The following DAB1 variants were observed in gnomAD, a reference collection of about 807,000 sequenced individuals.
DAB1 encodes the protein disabled homolog 1.
In DAB1, 15 loss-of-function variants were observed where a neutral mutation model predicts 64.6. The ratio of observed to expected loss-of-function variants is 0.23; its 90% CI spans 0.16 to 0.36. DAB1 has a LOEUF of 0.36. Among genes scored for constraint, DAB1 ranks in the 10% least tolerant of loss-of-function variants. The pLI is 1.00. For synonymous variants in DAB1, 235 were observed against 251.9 expected, an observed-to-expected ratio of 0.93 and a Z score of 0.64; for missense variants, 596 against 706.7, an observed-to-expected ratio of 0.84 and a Z score of 1.78.
intron 6 of DAB1, among the ~76,000 whole-genome samples, chr1:57,820,900 A>G (rs550895283): frequency 9.2e-5 from 14 of 152,338 alleles, no homozygotes; most frequent in Admixed American, 8.5e-4. Context: ...CCAGATATAA[A>G]GAGAACATAA....
At chr1:58,064,466 G>A (rs1426293703) in intron 5 of DAB1, among the ~76,000 whole-genome samples, 1 of 152,102 alleles carries the variant, frequency 6.6e-6, no homozygotes, top group Non-Finnish European at 1.5e-5. Context: ...GGCTGGCCTT[G>A]GGTTAGGCGC....
chr1:57,507,992 T>C (rs1217916727), intron 7 of DAB1, among the ~76,000 whole-genome samples: 1 of 152,162 alleles, frequency 6.6e-6, no homozygotes, highest in Non-Finnish European at 1.5e-5. Flanking sequence ...CCCAGAGATA[T>C]GGAATAAGTA....
At chr1:58,300,594 AAGAAAGAAAGAAAGAAAGAGAGAGAG>A (rs1437051541) in intron 4 of DAB1, among the ~76,000 whole-genome samples, 76 of 33,624 alleles carry the variant, frequency 2.3e-3, no homozygotes, top group East Asian at 5.6e-3. Context: ...GAAAGAAAGA[AAGAAAGAAAGAAAGAAAGAGAGAGAG>A]AGAGAGAGAG....
chr1:58,530,103 A>G (rs1002047344), intron 1 of DAB1, among the ~76,000 whole-genome samples: 6 of 152,082 alleles, frequency 3.9e-5, no homozygotes, highest in Non-Finnish European at 8.8e-5. Flanking sequence ...GGATGGTCTC[A>G]ATCTCCTGAC....
At chr1:57,382,458 T>C (rs781084909) in intron 1 of DAB1, among the ~76,000 whole-genome samples, 6 of 152,194 alleles carry the variant, frequency 3.9e-5, no homozygotes, top group Non-Finnish European at 8.8e-5. Context: ...ACCATGAACT[T>C]AGTGGTTCAA....
At chr1:57,548,453 T>A (rs1397958414) in intron 7 of DAB1, among the ~76,000 whole-genome samples, 1 of 150,870 alleles carries the variant, frequency 6.6e-6, no homozygotes, top group Non-Finnish European at 1.5e-5. Flanking sequence ...CCAACAGAGG[T>A]TTTTGTATAT....
At chr1:57,184,327 G>A (rs780642971) in intron 2 of DAB1, among the ~76,000 whole-genome samples, 3 of 152,142 alleles carry the variant, frequency 2.0e-5, no homozygotes, top group Non-Finnish European at 2.9e-5. Flanking sequence ...TTAATTAGAT[G>A]GGAGAGAAAG....
chr1:57,057,620 T>G lies in DAB1; in HGVS notation c.723+5264A>C, dbSNP rs191980110. Among the ~76,000 whole-genome samples the G allele has an allele frequency of 9.5e-3, 1,439 of 151,308 alleles. 23 individuals carry two copies. The highest frequency in any genetic ancestry group is 0.031 in the African/African-American group (1,295 of 41,176). ...GACTACACTGATTCTTTTTTTTTTT[T>G]TTTTGGAGACAGAGTCTCGTTCTGT... On this transcript the variant is annotated intron_variant, in intron 9 of 14. Transcript: ENST00000371236.
At chr1:58,329,291 T>G (rs1360472848) in intron 4 of DAB1, among the ~76,000 whole-genome samples, 1 of 152,214 alleles carries the variant, frequency 6.6e-6, no homozygotes, top group Non-Finnish European at 1.5e-5. Context: ...GCATTCTGAT[T>G]TTTAACCTGA....
At chr1:57,098,730 C>T (rs951397958) in intron 4 of DAB1, among the ~76,000 whole-genome samples, 3 of 152,012 alleles carry the variant, frequency 2.0e-5, no homozygotes, top group Non-Finnish European at 4.4e-5. Flanking sequence ...GGGCCCATTT[C>T]GATAACCAAA....
chr1:57,641,379 GTTTT>G (rs34105483), intron 7 of DAB1, among the ~76,000 whole-genome samples: 4 of 109,966 alleles, frequency 3.6e-5, no homozygotes, highest in Admixed American at 1.1e-4. Context: ...TTTTTTGTTG[GTTTT>G]TTTTTTTTTT....
At chr1:57,599,959 TTC>T (rs930297356) in intron 7 of DAB1, among the ~76,000 whole-genome samples, 7 of 152,308 alleles carry the variant, frequency 4.6e-5, no homozygotes, top group African/African-American at 1.7e-4. Flanking sequence ...TGTTTGCTAA[TTC>T]TCTTTCTCCA....
chr1:57,849,054 G>A (rs536195827), intron 1 of DAB1, among the ~76,000 whole-genome samples: 1 of 152,324 alleles, frequency 6.6e-6, no homozygotes, highest in Admixed American at 6.5e-5. Context: ...AGTGTGGGCT[G>A]CTGTTCTCTT....
intron 6 of DAB1, among the ~76,000 whole-genome samples, chr1:57,787,999 AAC>A (rs1491141814): frequency 6.6e-6 from 1 of 151,900 alleles, no homozygotes; most frequent in African/African-American, 2.4e-5. Context: ...TTAAAAAAAA[AAC>A]AAATGAGAAT....
intron 4 of DAB1, among the ~76,000 whole-genome samples, chr1:58,163,996 G>A (rs1655683732): frequency 6.6e-6 from 1 of 152,036 alleles, no homozygotes; most frequent in African/African-American, 2.4e-5. Context: ...TGAAGTATTT[G>A]AACACAACCT....
At chr1:57,270,900 C>G (rs1194729149) in intron 2 of DAB1, among the ~76,000 whole-genome samples, 1 of 152,196 alleles carries the variant, frequency 6.6e-6, no homozygotes, top group East Asian at 1.9e-4. Context: ...GAGCCACCCC[C>G]ACAACCCAGA....
chr1:57,566,055 C>T (rs916485797), intron 7 of DAB1, among the ~76,000 whole-genome samples: 4 of 152,186 alleles, frequency 2.6e-5, no homozygotes, highest in African/African-American at 9.6e-5. Context: ...ATTAAAAGAA[C>T]AGAAATTGTA....
intron 7 of DAB1, among the ~76,000 whole-genome samples, chr1:57,553,868 A>G (rs1399657026): frequency 6.6e-6 from 1 of 152,034 alleles, no homozygotes; most frequent in African/African-American, 2.4e-5. Context: ...GGGAGGTGGA[A>G]ACCAGATGAC....
intron 5 of DAB1, among the ~76,000 whole-genome samples, chr1:58,137,088 G>GA (rs140376860): frequency 0.024 from 3,387 of 139,250 alleles, 46 homozygotes; most frequent in Admixed American, 0.039. Flanking sequence ...TTGGTCTCTA[G>GA]AAAAAAAAAA....
Sources: allele counts gnomAD v4.1 joint callset (sites outside exome capture counted in the v4.1 genomes callset), GRCh38; gene constraint gnomAD v4.1.1; transcripts MANE v1.5; gene names NCBI Gene and HGNC (gene_info 2026-07-23, HGNC 2026-07-21).